The following UGT1A5 variants were observed in gnomAD, a reference collection of about 807,000 sequenced individuals.
The protein encoded by UGT1A5 is UDP-glucuronosyltransferase 1A5.
A neutral mutation model predicts 40.3 loss-of-function variants in UGT1A5; 29 were observed. That is an observed-to-expected ratio of 0.72 (90% CI 0.54 to 0.98). The LOEUF is 0.98. Ranked by LOEUF, UGT1A5 falls within the 50% of genes least tolerant of loss-of-function variation. UGT1A5 has a pLI of 0.00. For synonymous variants in UGT1A5, 257 were observed against 262.5 expected (o/e 0.98, Z 0.20); for missense variants, 678 against 677.9 (o/e 1.00, Z 0.00).
intron 1 of UGT1A5, among the ~76,000 whole-genome samples, chr2:233,722,376 A>C (rs969132963): frequency 2.1e-4 from 32 of 152,346 alleles, no homozygotes; most frequent in African/African-American, 7.5e-4. Context: ...TTGAAATCTT[A>C]CGTTTCTTCT....
At chr2:233,747,007 G>C (rs1207556963) in intron 1 of UGT1A5, among the ~76,000 whole-genome samples, 1 of 151,856 alleles carries the variant, frequency 6.6e-6, no homozygotes, top group South Asian at 2.1e-4. Context: ...TTTCAAGTAG[G>C]AGTGATCGGT....
intron 1 of UGT1A5, among the ~76,000 whole-genome samples, chr2:233,724,089 A>G (rs1195577143): frequency 1.0e-5 from 1 of 98,852 alleles, no homozygotes; most frequent in Non-Finnish European, 1.9e-5. Flanking sequence ...GGGGCTCCTC[A>G]CTTCCCAGTA....
intron 1 of UGT1A5, chr2:233,760,668 T>C: frequency 6.2e-7 from 1 of 1,614,252 alleles, no homozygotes; most frequent in Non-Finnish European, 8.5e-7. Context: ...TGTCTGGCTG[T>C]TCCCACTTAC....
intron 1 of UGT1A5, among the ~76,000 whole-genome samples, chr2:233,765,710 AT>A (rs1243221658): frequency 7.2e-6 from 1 of 138,280 alleles, no homozygotes; most frequent in East Asian, 2.2e-4. Context: ...AATAATAATA[AT>A]TAATAATAAT....
Position 233,730,113 on chromosome 2 carries a change from C to T in UGT1A5, c.867+16255C>T, listed in dbSNP as rs1287163438. 3 of 1,563,380 alleles carry T rather than the reference C, an allele frequency of 1.9e-6. No homozygotes were observed. In the African/African-American group the frequency reaches 4.1e-5, roughly 21 times the overall value. ...TTCCAAATATTTCATTTCTGCTTCTCCTTGTCATAATAGCCTTCAGTGAGA... is the reference window on the plus strand; with the variant it reads ...TTCCAAATATTTCATTTCTGCTTCTTCTTGTCATAATAGCCTTCAGTGAGA... On this transcript the variant is annotated intron_variant, in intron 1 of 4. Coordinates refer to ENST00000373414, the MANE Select transcript of UGT1A5 (RefSeq NM_019078.2).
At chr2:233,725,703 A>G (rs2077468684) in intron 1 of UGT1A5, among the ~76,000 whole-genome samples, 1 of 152,222 alleles carries the variant, frequency 6.6e-6, no homozygotes, top group South Asian at 2.1e-4. Flanking sequence ...ATATGTAGTT[A>G]GTGACTACCA....
chr2:233,756,325 C>G (rs903343397), intron 1 of UGT1A5: 1 of 152,158 alleles, frequency 6.6e-6, no homozygotes, highest in Non-Finnish European at 1.5e-5. Context: ...CTCCTTTAAA[C>G]CTCTAGTCAT....
rs1174769439 is a variant in UGT1A5, at chr2:233,773,222, A to G, written c.*663A>G. On this transcript the variant is annotated 3_prime_UTR_variant, in exon 5 of 5. Coordinates refer to ENST00000373414, the MANE Select transcript of UGT1A5 (RefSeq NM_019078.2). ...TTTGATAAAAACCCAAAATACAGCTATGAAGTGCTGGGCAAGTTTACTTTT... is the reference window on the plus strand; with the variant it reads ...TTTGATAAAAACCCAAAATACAGCTGTGAAGTGCTGGGCAAGTTTACTTTT... 2 of 152,386 alleles carry G rather than the reference A, an allele frequency of 1.3e-5. No homozygotes were observed. Among genetic ancestry groups the G allele is most frequent in the African/African-American group, 4.8e-5 (2 of 41,470 alleles). 9.4% of individuals were successfully genotyped at this position (152,386 alleles called of 1,614,324 possible).
intron 1 of UGT1A5, chr2:233,719,173 A>C: frequency 1.9e-6 from 3 of 1,614,262 alleles, no homozygotes; most frequent in Non-Finnish European, 2.5e-6. Flanking sequence ...GCAATTATGA[A>C]CAATGTATCT....
chr2:233,759,820 G>A (rs554010923), intron 1 of UGT1A5, among the ~76,000 whole-genome samples: 9 of 152,316 alleles, frequency 5.9e-5, no homozygotes, highest in East Asian at 1.9e-4. Context: ...AGTACCGGGG[G>A]AGCTGTGGAG....
At chr2:233,771,238 A>G (rs1201821229) in intron 4 of UGT1A5, 1 of 152,168 alleles carries the variant, frequency 6.6e-6, no homozygotes, top group Non-Finnish European at 1.5e-5. Context: ...CAGCGATCAT[A>G]ATTAGTCCTG....
chr2:233,719,410 T>G, intron 1 of UGT1A5: 1 of 1,613,994 alleles, frequency 6.2e-7, no homozygotes, highest in African/African-American at 1.3e-5. Context: ...ATTCCTAAGT[T>G]ACTAACGACC....
chr2:233,734,406 C>G (rs543210294), intron 1 of UGT1A5, among the ~76,000 whole-genome samples: 13 of 151,932 alleles, frequency 8.6e-5, no homozygotes, highest in African/African-American at 2.7e-4. Flanking sequence ...CTATTTGATT[C>G]TTCTCTCTTT....
intron 1 of UGT1A5, among the ~76,000 whole-genome samples, chr2:233,748,293 A>G (rs1052851237): frequency 6.6e-6 from 1 of 151,694 alleles, no homozygotes; most frequent in Non-Finnish European, 1.5e-5. Context: ...GCAGACATGA[A>G]TGTTTATCAA....
At chr2:233,750,245 C>A (rs1694403636) in intron 1 of UGT1A5, among the ~76,000 whole-genome samples, 1 of 151,900 alleles carries the variant, frequency 6.6e-6, no homozygotes, top group South Asian at 2.1e-4. Context: ...GGAACTGGAA[C>A]AAAGGTCACC....
At chr2:233,719,369 G>A (rs779205273) in intron 1 of UGT1A5, 113 of 1,613,764 alleles carry the variant, frequency 7.0e-5, no homozygotes, top group Non-Finnish European at 9.2e-5. Flanking sequence ...TAGACTTTAA[G>A]GGCACACAGT....
At chr2:233,764,199 A>T (rs1193982268) in intron 1 of UGT1A5, among the ~76,000 whole-genome samples, 1 of 152,170 alleles carries the variant, frequency 6.6e-6, no homozygotes, top group Non-Finnish European at 1.5e-5. Flanking sequence ...GGGGCATCTC[A>T]TCTTTTCTTT....
chr2:233,760,729 A>G lies in UGT1A5; in HGVS notation c.868-6305A>G, dbSNP rs1289728507. On this transcript the variant is annotated intron_variant, in intron 1 of 4. Coordinates refer to ENST00000373414, the MANE Select transcript of UGT1A5 (RefSeq NM_019078.2). ...CCTGGCAGAAAGCAGCTTTGATGTCATGCTGACGGACCCTTTCCTTCCTTG... is the reference window on the plus strand; with the variant it reads ...CCTGGCAGAAAGCAGCTTTGATGTCGTGCTGACGGACCCTTTCCTTCCTTG... 1.9e-6 allele frequency: 3 copies of G among 1,614,196 alleles called. No individual in the cohort carries two copies. The Admixed American group carries it at 5.0e-5, about 27-fold the overall frequency.
intron 1 of UGT1A5, among the ~76,000 whole-genome samples, chr2:233,725,317 C>CAGA (rs1559370683): frequency 2.7e-5 from 1 of 37,458 alleles, no homozygotes; most frequent in Admixed American, 2.3e-4. Flanking sequence ...GAGGCAGAGG[C>CAGA]GCCTGGTCAA....
Sources: allele counts gnomAD v4.1 joint callset (sites outside exome capture counted in the v4.1 genomes callset), GRCh38; gene constraint gnomAD v4.1.1; transcripts MANE v1.5; gene names NCBI Gene and HGNC (gene_info 2026-07-23, HGNC 2026-07-21).